The following PCDH11X variants were observed in gnomAD, a reference collection of about 807,000 sequenced individuals.
PCDH11X encodes protocadherin-11 X-linked.
Under a neutral mutation model 53.3 loss-of-function variants are expected in PCDH11X, and 18 were observed. The ratio of observed to expected loss-of-function variants is 0.34; its 90% CI spans 0.23 to 0.50. The LOEUF (loss-of-function observed/expected upper bound fraction) is 0.50, where lower values mean the gene tolerates loss of function less well. Among genes scored for constraint, PCDH11X ranks in the 20% least tolerant of loss-of-function variants. The pLI is 0.98. For synonymous variants in PCDH11X, 279 were observed against 393.3 expected, an observed-to-expected ratio of 0.71 and a Z score of 3.44; for missense variants, 570 against 1,032.4, an observed-to-expected ratio of 0.55 and a Z score of 6.14.
At chrX:92,051,320 A>G (rs1701391280) in intron 6 of PCDH11X, among the ~76,000 whole-genome samples, 1 of 111,718 alleles carries the variant, frequency 9.0e-6, no homozygotes, top group Non-Finnish European at 1.9e-5. Context: ...GGATGATTAA[A>G]TTTATTTTTA....
At chrX:92,408,424 A>G (rs1026779053) in intron 9 of PCDH11X, among the ~76,000 whole-genome samples, 3 of 107,553 alleles carry the variant, frequency 2.8e-5, no homozygotes, top group African/African-American at 1.0e-4. Flanking sequence ...AGTTAGATGC[A>G]TCTGAAATTA....
intron 9 of PCDH11X, among the ~76,000 whole-genome samples, chrX:92,466,886 C>A (rs1347066035): frequency 1.8e-5 from 2 of 108,929 alleles, no homozygotes; most frequent in Non-Finnish European, 3.8e-5. Context: ...ATGAAAAGCA[C>A]GTACGTTATT....
chrX:92,088,143 CATT>C (rs1436901245), intron 6 of PCDH11X, among the ~76,000 whole-genome samples: 11 of 108,215 alleles, frequency 1.0e-4, no homozygotes, highest in Non-Finnish European at 1.9e-4. Context: ...AATATGTAAT[CATT>C]ATAAAAATTG....
chrX:92,054,549 G>A (rs954170103), intron 6 of PCDH11X, among the ~76,000 whole-genome samples: 6 of 111,218 alleles, frequency 5.4e-5, no homozygotes, highest in Non-Finnish European at 9.4e-5. Flanking sequence ...TGCCGGGTAC[G>A]GTGGCTCACG....
rs185167104 is a variant in PCDH11X at position 92,209,274 on chromosome X, G to A, written c.3114+7819G>A. ...AGTCCAAACTCTCATCTGAGATAAG[G>A]CAAGTCCCTTCTGACTATTAATCCG... On this transcript the variant is annotated intron_variant, in intron 7 of 10. Transcript: ENST00000682573. 6.3e-5 allele frequency among the ~76,000 whole-genome samples: 7 copies of A among 111,622 alleles called. No individual in the cohort carries two copies. In the East Asian group the frequency reaches 1.1e-3, roughly 18 times the overall value.
intron 6 of PCDH11X, among the ~76,000 whole-genome samples, chrX:92,093,428 C>T (rs1049949468): frequency 3.6e-5 from 4 of 111,570 alleles, no homozygotes; most frequent in African/African-American, 1.3e-4. Flanking sequence ...TTATCTACAG[C>T]TTGAACTATA....
At chrX:91,889,593 G>A (rs1368956589) in intron 6 of PCDH11X, among the ~76,000 whole-genome samples, 2 of 112,382 alleles carry the variant, frequency 1.8e-5, no homozygotes, top group African/African-American at 6.5e-5. Flanking sequence ...GATTACAGGC[G>A]TGAGCCAGCG....
intron 1 of PCDH11X, among the ~76,000 whole-genome samples, chrX:91,781,882 A>G (rs1466968862): frequency 2.7e-5 from 3 of 112,583 alleles, no homozygotes; most frequent in Admixed American, 1.9e-4. Context: ...TAAATTAAGA[A>G]TTGCCGCGAC....
intron 6 of PCDH11X, among the ~76,000 whole-genome samples, chrX:91,931,042 G>A (rs1435381671): frequency 9.0e-6 from 1 of 110,652 alleles, no homozygotes; most frequent in African/African-American, 3.3e-5. Flanking sequence ...CCAGGAAAGG[G>A]AGCTGAGGTG....
chrX:91,948,816 A>G (rs1201483684), intron 6 of PCDH11X, among the ~76,000 whole-genome samples: 6 of 110,302 alleles, frequency 5.4e-5, no homozygotes, highest in African/African-American at 2.0e-4. Flanking sequence ...AGGAAACATC[A>G]GGCGTAAGGA....
intron 6 of PCDH11X, among the ~76,000 whole-genome samples, chrX:91,969,215 G>T (rs183160696): frequency 9.8e-4 from 108 of 109,812 alleles, no homozygotes; most frequent in African/African-American, 3.4e-3. Flanking sequence ...ACCTCAGAAA[G>T]GGTGGCTTAA....
chrX:92,479,157 G>GT (rs913689060), intron 10 of PCDH11X, among the ~76,000 whole-genome samples: 6 of 111,021 alleles, frequency 5.4e-5, no homozygotes, highest in Non-Finnish European at 9.5e-5. Context: ...TTTAAAATAT[G>GT]TTTTTTCTGA....
chrX:92,343,759 T>A (rs1475420935), intron 8 of PCDH11X, among the ~76,000 whole-genome samples: 2 of 111,487 alleles, frequency 1.8e-5, no homozygotes, highest in African/African-American at 6.5e-5. Context: ...ACTGCTAAAT[T>A]TAATACCCAC....
intron 4 of PCDH11X, among the ~76,000 whole-genome samples, chrX:91,826,383 A>T (rs1410575136): frequency 1.8e-5 from 2 of 110,754 alleles, no homozygotes; most frequent in African/African-American, 6.6e-5. Flanking sequence ...TAAAGAACAC[A>T]CAAGAAGTAG....
chrX:92,005,934 C>T (rs759662159), intron 6 of PCDH11X, among the ~76,000 whole-genome samples: 1 of 111,699 alleles, frequency 9.0e-6, no homozygotes, highest in East Asian at 2.8e-4. Flanking sequence ...TGCCACTCTC[C>T]CCTTGCCTGT....
At position 91,785,467 on chromosome X, in the gene PCDH11X, C is replaced by T. The variant is rs1208198979; in HGVS notation, c.-379+5783C>T. The stretch of plus-strand genomic sequence containing the variant: ...TATGGTAAAGGTGCAATTCTCATAT[C>T]GTTCTTCTCTCTACATTCAGTGGAA... On this transcript the variant is annotated intron_variant, in intron 1 of 10. Transcript: ENST00000682573. 5.4e-5 allele frequency among the ~76,000 whole-genome samples: 6 copies of T among 111,247 alleles called. No individual in the cohort carries two copies. The East Asian group carries it at 1.7e-3, about 32-fold the overall frequency.
intron 8 of PCDH11X, among the ~76,000 whole-genome samples, chrX:92,298,739 T>C (rs1268286270): frequency 2.7e-5 from 3 of 110,990 alleles, no homozygotes; most frequent in Non-Finnish European, 5.7e-5. Flanking sequence ...AAACTGAGGT[T>C]CGGGCTGCTA....
At chrX:91,785,828 A>AAATG (rs1332463573) in intron 1 of PCDH11X, among the ~76,000 whole-genome samples, 26 of 110,673 alleles carry the variant, frequency 2.3e-4, no homozygotes, top group African/African-American at 8.6e-4. Flanking sequence ...ATCATCTCTA[A>AAATG]AATGTGGTTA....
chrX:92,563,082 G>A (rs1337112657), intron 10 of PCDH11X, among the ~76,000 whole-genome samples: 1 of 18,724 alleles, frequency 5.3e-5, no homozygotes, highest in African/African-American at 1.7e-4. Flanking sequence ...TTTTTTTTTT[G>A]TGAAATAGCT....
Sources: allele counts gnomAD v4.1 joint callset (sites outside exome capture counted in the v4.1 genomes callset), GRCh38; gene constraint gnomAD v4.1.1; transcripts MANE v1.5; gene names NCBI Gene and HGNC (gene_info 2026-07-23, HGNC 2026-07-21).